MITF: variants seen among roughly 807,000 people sequenced by gnomAD.
MITF encodes the protein microphthalmia-associated transcription factor.
In MITF, 17 loss-of-function variants were observed where a neutral mutation model predicts 60.5. That is an observed-to-expected ratio of 0.28 (90% CI 0.19 to 0.42). The LOEUF is 0.42. MITF is among the 10% of genes least tolerant of loss of function. MITF has a pLI of 1.00. For synonymous variants in MITF, 260 were observed against 248.5 expected, an observed-to-expected ratio of 1.05 and a Z score of -0.43; for missense variants, 622 against 683.5, an observed-to-expected ratio of 0.91 and a Z score of 1.00.
At chr3:69,938,159 T>A in intron 3 of MITF, 110 bp downstream of exon 3, 1 of 1,288,138 alleles carries the variant, frequency 7.8e-7, no homozygotes, top group Non-Finnish European at 1.1e-6. Context: ...TGGCCACATT[T>A]ACCAGCCTTT....
At chr3:69,955,831 T>TA (rs557782592) in intron 7 of MITF, among the ~76,000 whole-genome samples, 20 of 149,086 alleles carry the variant, frequency 1.3e-4, no homozygotes, top group South Asian at 4.3e-4. Context: ...AAATAAATGC[T>TA]AAAAAAAAAA....
chr3:69,853,550 T>G (rs2063862323), intron 1 of MITF, among the ~76,000 whole-genome samples: 1 of 152,108 alleles, frequency 6.6e-6, no homozygotes, highest in South Asian at 2.1e-4. Context: ...ACCATCCATC[T>G]TAAAAAATAG....
chr3:69,964,038 G>A (rs1408284880), intron 9 of MITF, among the ~76,000 whole-genome samples: 10 of 141,508 alleles, frequency 7.1e-5, no homozygotes, highest in East Asian at 2.1e-4. Context: ...GCGCAATGGC[G>A]CAATCTCGGC....
intron 1 of MITF, among the ~76,000 whole-genome samples, chr3:69,763,042 G>T (rs1474791314): frequency 6.6e-6 from 1 of 152,112 alleles, no homozygotes; most frequent in Non-Finnish European, 1.5e-5. Context: ...AAAGGAAAAG[G>T]CTTTGATGTC....
chr3:69,775,181 C>T (rs983823042), intron 1 of MITF, among the ~76,000 whole-genome samples: 1 of 152,022 alleles, frequency 6.6e-6, no homozygotes, highest in South Asian at 2.1e-4. Context: ...TATATGCATC[C>T]GTATGTTCAG....
chr3:69,917,416 A>AGTCAGCCT (rs1208980982), intron 2 of MITF, among the ~76,000 whole-genome samples: 3 of 147,950 alleles, frequency 2.0e-5, no homozygotes, highest in Admixed American at 6.7e-5. Flanking sequence ...TAGCCCTTAA[A>AGTCAGCCT]GTCAGCCTGG....
chr3:69,890,491 G>T (rs750230668), intron 2 of MITF, among the ~76,000 whole-genome samples: 1 of 152,220 alleles, frequency 6.6e-6, no homozygotes, highest in East Asian at 1.9e-4. Context: ...AGGGGACAAG[G>T]AGATTAGTTA....
chr3:69,862,715 T>C (rs1488522807), intron 1 of MITF, among the ~76,000 whole-genome samples: 1 of 152,210 alleles, frequency 6.6e-6, no homozygotes, highest in Non-Finnish European at 1.5e-5. Context: ...AAAAGTTGGC[T>C]GTCACTTGGA....
intron 1 of MITF, among the ~76,000 whole-genome samples, chr3:69,777,830 G>A (rs1559623855): frequency 1.3e-5 from 2 of 152,110 alleles, no homozygotes; most frequent in Non-Finnish European, 1.5e-5. Flanking sequence ...GTATCACTGG[G>A]GCCATAGAAT....
intron 1 of MITF, among the ~76,000 whole-genome samples, chr3:69,766,816 C>G (rs1559617689): frequency 6.6e-6 from 1 of 152,130 alleles, no homozygotes. Context: ...CCAGGAGGAG[C>G]CTTGGGCCTT....
chr3:69,752,559 G>A (rs1002688053), intron 1 of MITF, among the ~76,000 whole-genome samples: 1 of 152,150 alleles, frequency 6.6e-6, no homozygotes, highest in Admixed American at 6.5e-5. Flanking sequence ...TGATGATTTA[G>A]GGTAACTGGC....
At chr3:69,905,407 T>A (rs765657733) in intron 2 of MITF, among the ~76,000 whole-genome samples, 11 of 152,148 alleles carry the variant, frequency 7.2e-5, no homozygotes, top group Non-Finnish European at 1.6e-4. Context: ...TGCTTTTTTT[T>A]TTCAGTCTTA....
intron 1 of MITF, among the ~76,000 whole-genome samples, chr3:69,855,623 C>G (rs888964325): frequency 6.6e-6 from 1 of 151,884 alleles, no homozygotes; most frequent in Non-Finnish European, 1.5e-5. Context: ...AAGCTGGCTC[C>G]ATCTAGTGTA....
At chr3:69,859,237 C>T (rs890867804) in intron 1 of MITF, among the ~76,000 whole-genome samples, 1 of 152,098 alleles carries the variant, frequency 6.6e-6, no homozygotes, top group Admixed American at 6.6e-5. Context: ...AGGTTGAAAC[C>T]ACTGCCCTGG....
chr3:69,835,573 T>C (rs1294112011), intron 1 of MITF, among the ~76,000 whole-genome samples: 1 of 152,114 alleles, frequency 6.6e-6, no homozygotes, highest in Non-Finnish European at 1.5e-5. Flanking sequence ...TGAAGCATTT[T>C]GCCTGTGTTT....
intron 1 of MITF, among the ~76,000 whole-genome samples, chr3:69,809,106 T>G (rs2063059569): frequency 6.6e-6 from 1 of 152,150 alleles, no homozygotes; most frequent in East Asian, 1.9e-4. Context: ...AACAGACTCT[T>G]ATGGTGAAGG....
chr3:69,944,162 G>A (rs13072665), intron 5 of MITF, among the ~76,000 whole-genome samples: 8,917 of 152,134 alleles, frequency 0.059, 339 homozygotes, highest in South Asian at 0.11. Context: ...CTACATTAGC[G>A]TTGAGGCCTT....
chr3:69,910,908 G>T (rs1391987236), intron 2 of MITF, among the ~76,000 whole-genome samples: 1 of 152,106 alleles, frequency 6.6e-6, no homozygotes, highest in Non-Finnish European at 1.5e-5. Context: ...AGAGCCTGTT[G>T]GGAAGGCATG....
At chr3:69,961,928 C>A (rs901102829) in intron 9 of MITF, among the ~76,000 whole-genome samples, 2 of 152,126 alleles carry the variant, frequency 1.3e-5, no homozygotes, top group Non-Finnish European at 2.9e-5. Flanking sequence ...CTTCCAGTGA[C>A]GGTGTGAGGC....
Sources: allele counts gnomAD v4.1 joint callset (sites outside exome capture counted in the v4.1 genomes callset), GRCh38; gene constraint gnomAD v4.1.1; transcripts MANE v1.5; gene names NCBI Gene and HGNC (gene_info 2026-07-23, HGNC 2026-07-21).